The following ITGB6 variants were observed in gnomAD, a reference collection of about 807,000 sequenced individuals.
ITGB6 encodes integrin subunit beta 6.
Under a neutral mutation model 84.5 loss-of-function variants are expected in ITGB6, and 80 were observed. The ratio of observed to expected loss-of-function variants is 0.95; its 90% CI spans 0.79 to 1.14. ITGB6 has a LOEUF of 1.14. ITGB6 is among the 50% of genes most tolerant of loss of function. The probability of loss-of-function intolerance (pLI) is 0.00; values close to 1 mark genes in which losing one functional copy is unlikely to be tolerated. For missense variants in ITGB6, 1,006 were observed against 968.0 expected (o/e 1.04, Z -0.52); for synonymous variants, 383 against 354.9 (o/e 1.08, Z -0.89).
intron 4 of ITGB6, among the ~76,000 whole-genome samples, chr2:160,186,356 T>G (rs1685896741): frequency 6.7e-6 from 1 of 148,376 alleles, no homozygotes; most frequent in Non-Finnish European, 1.5e-5. Flanking sequence ...CCAAGAAACA[T>G]ATGAAAAAAA....
At chr2:160,183,367 C>T (rs1685764413) in intron 4 of ITGB6, among the ~76,000 whole-genome samples, 1 of 151,966 alleles carries the variant, frequency 6.6e-6, no homozygotes, top group African/African-American at 2.4e-5. Flanking sequence ...AGACTTTAAA[C>T]CAACAAAGAT....
chr2:160,137,557 C>T lies in ITGB6; in HGVS notation c.1537G>A (p.Gly513Arg), dbSNP rs199564092. The T allele has an allele frequency of 2.0e-4, 319 of 1,614,202 alleles. 6 individuals carry two copies. The highest frequency in any genetic ancestry group is 1.1e-3 in the South Asian group (104 of 91,090). ...KEAPDHPSCS[G>R]RGDCYCGQCI... Reference sequence around the variant, plus strand: ...TGCCCACAGTAGCAGTCACCCCTTCCGCTGCAGGAGGGATGATCTGGGGCC... The same window carrying T: ...TGCCCACAGTAGCAGTCACCCCTTCTGCTGCAGGAGGGATGATCTGGGGCC... Residue 513 changes from glycine to arginine, a missense_variant, in exon 10 of 15, where the codon GGA (glycine) becomes AGA (arginine). Gly to Arg is a moderately radical substitution (Grantham distance 125, BLOSUM62 -2). Transcript: ENST00000283249.
At chr2:160,122,989 C>A (rs1683100520) in intron 12 of ITGB6, among the ~76,000 whole-genome samples, 1 of 152,218 alleles carries the variant, frequency 6.6e-6, no homozygotes, top group Non-Finnish European at 1.5e-5. Flanking sequence ...CATGATAATG[C>A]AGCGAGTTCA....
intron 12 of ITGB6, among the ~76,000 whole-genome samples, chr2:160,123,460 T>A (rs1359025110): frequency 1.3e-5 from 2 of 152,294 alleles, no homozygotes; most frequent in African/African-American, 4.8e-5. Context: ...GGGGTTAACA[T>A]TTAGCCATTT....
chr2:160,138,248 T>C (rs1683845765), intron 8 of ITGB6, 49 bp from the exon 9 acceptor site: 2 of 1,517,132 alleles, frequency 1.3e-6, no homozygotes, highest in East Asian at 2.3e-5. Context: ...CCCAAAAATA[T>C]AGCCAGAAGA....
At chr2:160,161,739 G>A (rs1161474837) in intron 7 of ITGB6, among the ~76,000 whole-genome samples, 1 of 152,118 alleles carries the variant, frequency 6.6e-6, no homozygotes, top group African/African-American at 2.4e-5. Flanking sequence ...ATCAGAAAAA[G>A]AGTAACTTAA....
intron 4 of ITGB6, among the ~76,000 whole-genome samples, chr2:160,182,098 A>G (rs1251880759): frequency 6.6e-6 from 1 of 152,232 alleles, no homozygotes; most frequent in Non-Finnish European, 1.5e-5. Context: ...CCAAAGGATT[A>G]CAACTCCTCG....
At chr2:160,113,207 G>A (rs1488195254) in intron 12 of ITGB6, among the ~76,000 whole-genome samples, 1 of 152,058 alleles carries the variant, frequency 6.6e-6, no homozygotes, top group Non-Finnish European at 1.5e-5. Flanking sequence ...GATAATCTTG[G>A]ACATACTCCT....
chr2:160,107,958 A>T (rs1415977672), intron 13 of ITGB6, 113 bp from the exon 14 acceptor site: 12 of 898,956 alleles, frequency 1.3e-5, no homozygotes, highest in Non-Finnish European at 1.7e-6. Context: ...ATAAATATTG[A>T]CACCATTTTC....
At chr2:160,144,469 T>C (rs935522228) in intron 7 of ITGB6, among the ~76,000 whole-genome samples, 7 of 152,172 alleles carry the variant, frequency 4.6e-5, no homozygotes, top group African/African-American at 1.7e-4. Flanking sequence ...TAACAGCGAA[T>C]ACCTACACAG....
At chr2:160,111,963 T>G (rs1459212069) in intron 13 of ITGB6, 117 bp downstream of exon 13, 1 of 1,018,846 alleles carries the variant, frequency 9.8e-7, no homozygotes, top group Non-Finnish European at 1.5e-6. Context: ...TTTAAGAAAC[T>G]TCATCAAAAT....
intron 10 of ITGB6, among the ~76,000 whole-genome samples, chr2:160,134,236 C>T (rs1267211593): frequency 1.3e-5 from 2 of 152,094 alleles, no homozygotes; most frequent in Admixed American, 6.6e-5. Context: ...ACCACTGATC[C>T]CACAGAAATA....
At chr2:160,189,398 C>G (rs996384109) in intron 4 of ITGB6, among the ~76,000 whole-genome samples, 2 of 152,098 alleles carry the variant, frequency 1.3e-5, no homozygotes, top group African/African-American at 4.8e-5. Context: ...AAAGAAACCA[C>G]CATCGGAATG....
At position 160,186,483 on chromosome 2, in the gene ITGB6, G is replaced by A. The variant is rs537226470; in HGVS notation, c.593+8886C>T. Reference sequence around the variant, plus strand: ...GGAAACAACAGATGCTGGAGAGGATGTGGAGAAACAGAAATGCTTTTACAC... The same window carrying A: ...GGAAACAACAGATGCTGGAGAGGATATGGAGAAACAGAAATGCTTTTACAC... On this transcript the variant is annotated intron_variant, in intron 4 of 14. Transcript: ENST00000283249. 9.8e-5 allele frequency among the ~76,000 whole-genome samples: 15 copies of A among 152,330 alleles called. No individual in the cohort carries two copies. The East Asian group carries it at 2.7e-3, about 27-fold the overall frequency.
At chr2:160,119,699 CA>C in intron 12 of ITGB6, among the ~76,000 whole-genome samples, 1 of 152,050 alleles carries the variant, frequency 6.6e-6, no homozygotes, top group Non-Finnish European at 1.5e-5. Flanking sequence ...TTCTGCACAG[CA>C]AAAGAAACCA....
chr2:160,168,122 C>A (rs183318328), intron 7 of ITGB6, among the ~76,000 whole-genome samples: 2 of 152,320 alleles, frequency 1.3e-5, no homozygotes, highest in South Asian at 2.1e-4. Context: ...AAGTATGGAG[C>A]TTGATTGCAA....
In ITGB6 at chr2:160,174,049, C is replaced by A. The variant is rs758180810; in HGVS notation, c.684G>T (p.Lys228Asn). ...NDAERFNEIV[K>N]NQKISANIDT... Reference sequence around the variant, plus strand: ...CAATATTAGCAGAAATTTTCTGATTCTTCACAATTTCATTGAATCTTTCAG... The same window carrying A: ...CAATATTAGCAGAAATTTTCTGATTATTCACAATTTCATTGAATCTTTCAG... The change falls in exon 5 of 15, where the codon AAG (lysine) becomes AAT (asparagine). Residue 228 changes from lysine to asparagine, a missense_variant. Coordinates refer to ENST00000283249, the MANE Select transcript of ITGB6 (RefSeq NM_000888.5). 8.6e-5 allele frequency: 139 copies of A among 1,612,968 alleles called. No individual in the cohort carries two copies. Among genetic ancestry groups the A allele is most frequent in the Non-Finnish European group, 1.1e-4 (132 of 1,179,708 alleles).
intron 10 of ITGB6, among the ~76,000 whole-genome samples, chr2:160,132,294 G>A (rs760566899): frequency 3.3e-5 from 5 of 151,952 alleles, no homozygotes; most frequent in Non-Finnish European, 5.9e-5. Flanking sequence ...AATGTGTCTC[G>A]ATCAGAACAG....
At chr2:160,159,772 A>G (rs1684752394) in intron 7 of ITGB6, among the ~76,000 whole-genome samples, 1 of 152,150 alleles carries the variant, frequency 6.6e-6, no homozygotes, top group South Asian at 2.1e-4. Context: ...TTCCATGAAA[A>G]TTCTATCCAA....
Sources: allele counts gnomAD v4.1 joint callset (sites outside exome capture counted in the v4.1 genomes callset), GRCh38; gene constraint gnomAD v4.1.1; transcripts MANE v1.5; gene names NCBI Gene and HGNC (gene_info 2026-07-23, HGNC 2026-07-21).